The following OR11A1 variants were observed in gnomAD, a reference collection of about 807,000 sequenced individuals.
The protein encoded by OR11A1 is olfactory receptor family 11 subfamily A member 1.
For synonymous variants in OR11A1, 158 were observed against 152.2 expected, an observed-to-expected ratio of 1.04 and a Z score of -0.28; for missense variants, 380 against 378.2, an observed-to-expected ratio of 1.00 and a Z score of -0.04.
chr6:29,431,558 G>T (rs923971218), intron 2 of OR11A1, among the ~76,000 whole-genome samples: 1 of 152,094 alleles, frequency 6.6e-6, no homozygotes, highest in South Asian at 2.1e-4. Flanking sequence ...AGCTTGGGGA[G>T]CATGAATATC....
intron 1 of OR11A1, chr6:29,440,854 T>C: frequency 1.9e-6 from 3 of 1,613,828 alleles, no homozygotes; most frequent in South Asian, 2.2e-5. Context: ...TATGCTGTGG[T>C]CACCCCCATC....
At chr6:29,429,606 G>A (rs1419110663) in intron 3 of OR11A1, among the ~76,000 whole-genome samples, 1 of 152,166 alleles carries the variant, frequency 6.6e-6, no homozygotes, top group Non-Finnish European at 1.5e-5. Context: ...TGATTGCAGT[G>A]GAAAATGGAA....
At chr6:29,455,583 A>C (rs1316826104) in intron 1 of OR11A1, among the ~76,000 whole-genome samples, 1 of 152,200 alleles carries the variant, frequency 6.6e-6, no homozygotes, top group African/African-American at 2.4e-5. Flanking sequence ...TAGATATGTT[A>C]ATTGGCTTGA....
Position 29,428,939 on chromosome 6 carries a change from C to G in OR11A1, c.-118G>C, listed in dbSNP as rs1026393816. On this transcript the variant is annotated 5_prime_UTR_variant, in exon 4 of 5. The change abolishes the stop of an existing upstream ORF in the 5' untranslated region. Coordinates refer to ENST00000377149, the MANE Select transcript of OR11A1 (RefSeq NM_001394828.1). ...TGCTGGAAGGTTTTCATATGCTATT[C>G]AAAGCAATATGTGTTTATTAACTGA... The G allele has an allele frequency of 7.2e-6, 7 of 974,488 alleles. No homozygotes were observed. The highest frequency in any genetic ancestry group is 8.5e-6 in the Non-Finnish European group (7 of 820,780). The allele number at this position is 974,488 out of a possible 1,614,324, so 60.4% of individuals were successfully genotyped here.
intron 1 of OR11A1, among the ~76,000 whole-genome samples, chr6:29,435,056 G>A (rs1783524152): frequency 6.6e-6 from 1 of 152,248 alleles, no homozygotes; most frequent in Admixed American, 6.5e-5. Context: ...TAGAACTACA[G>A]TAAATTATTC....
At chr6:29,439,079 T>C (rs1374707995) in intron 1 of OR11A1, among the ~76,000 whole-genome samples, 6 of 152,226 alleles carry the variant, frequency 3.9e-5, no homozygotes, top group Admixed American at 6.5e-5. Context: ...GTTTATAGTT[T>C]TATGTTCAGT....
chr6:29,440,449 G>A, intron 1 of OR11A1: 2 of 1,614,032 alleles, frequency 1.2e-6, no homozygotes, highest in Non-Finnish European at 1.7e-6. Flanking sequence ...CAGCTAGCTG[G>A]GTCGGCGTGG....
chr6:29,444,213 C>T lies in OR11A1; in HGVS notation c.-388-12226G>A, dbSNP rs575478473. On this transcript the variant is annotated intron_variant, in intron 1 of 4. Transcript: ENST00000377149. The stretch of plus-strand genomic sequence containing the variant: ...AAATGGGAGCTGCCCTACACAAGCT[C>T]TCATTTTTCCTGCTACTATCCATGT... Among the ~76,000 whole-genome samples the T allele has an allele frequency of 2.6e-5, 4 of 152,242 alleles. No individual in the cohort carries two copies. The South Asian group carries it at 8.3e-4, about 32-fold the overall frequency.
Position 29,449,519 on chromosome 6 carries a change from G to A in OR11A1, c.-389+7468C>T, listed in dbSNP as rs113166632. On this transcript the variant is annotated intron_variant, in intron 1 of 4. Transcript: ENST00000377149. The stretch of plus-strand genomic sequence containing the variant: ...ATCAAAAATAAATTACTCAAGCTAC[G>A]TCTCACAAAAAAGTATCTTTCTTTC... 2.2e-3 allele frequency among the ~76,000 whole-genome samples: 336 copies of A among 152,178 alleles called. 1 individual carries two copies. Among genetic ancestry groups the A allele is most frequent in the Non-Finnish European group, 3.9e-3 (264 of 67,988 alleles).
chr6:29,430,546 G>T, intron 2 of OR11A1, 121 bp from the exon 3 acceptor site: 2 of 594,222 alleles, frequency 3.4e-6, no homozygotes, highest in Non-Finnish European at 4.2e-6. Flanking sequence ...ATTATTTTAA[G>T]TGAAATATCT....
chr6:29,433,478 A>G (rs965116022), intron 1 of OR11A1, among the ~76,000 whole-genome samples: 5 of 152,184 alleles, frequency 3.3e-5, no homozygotes, highest in Non-Finnish European at 7.4e-5. Context: ...AAGGTCCTCC[A>G]GATTCATCCA....
Position 29,426,769 on chromosome 6 carries a change from A to G in OR11A1, c.873T>C (p.Tyr291=). The change falls in exon 5 of 5, where the codon TAT becomes TAC. Residue 291 remains tyrosine, a synonymous_variant. Transcript: ENST00000377149. ...GATGCACCTCCTTGTTCCTCATGGT[A>G]TAGATCACAGGATTGAAGAGAGGGG... The part of the protein sequence containing the change: ...VVTPLFNPVI[Y]TMRNKEVHQA... The G allele has an allele frequency of 1.2e-6, 2 of 1,613,050 alleles. No homozygotes were observed. The highest frequency in any genetic ancestry group is 1.7e-6 in the Non-Finnish European group (2 of 1,179,984).
rs6923405 is a variant in OR11A1 at position 29,425,703 on chromosome 6, G to C, written c.*991C>G. On this transcript the variant is annotated 3_prime_UTR_variant, in exon 5 of 5. Coordinates refer to ENST00000377149, the MANE Select transcript of OR11A1 (RefSeq NM_001394828.1). ...TAGCAAAATGTTGATGTTGAAGCTG[G>C]ATGGTGGCTACATGGAGTACATGGG... is the stretch of plus-strand genomic sequence containing the variant. The C allele has an allele frequency of 0.019, 2,923 of 152,250 alleles. 60 individuals are homozygous for C. The highest frequency in any genetic ancestry group is 0.042 in the African/African-American group (1,758 of 41,540). The allele number at this position is 152,250 out of a possible 1,614,324, so 9.4% of individuals were successfully genotyped here. A position where few individuals can be genotyped will look rare whatever the true frequency, so the allele number is the denominator to read the frequency against.
At chr6:29,440,245 T>C in intron 1 of OR11A1, 1 of 1,613,942 alleles carries the variant, frequency 6.2e-7, no homozygotes, top group Non-Finnish European at 8.5e-7. Context: ...TCTGTCACGG[T>C]CCCCCTGCTA....
At position 29,428,353 on chromosome 6, in the gene OR11A1, G is replaced by A. The variant is rs566179041; in HGVS notation, c.-92+560C>T. 16 of 985,580 alleles carry A rather than the reference G, an allele frequency of 1.6e-5. No homozygotes were observed. In the South Asian group the frequency reaches 6.1e-4, roughly 38 times the overall value. The allele number at this position is 985,580 out of a possible 1,614,324, so 61.1% of individuals were successfully genotyped here. A position where few individuals can be genotyped will look rare whatever the true frequency, so the allele number is the denominator to read the frequency against. Reference sequence around the variant, plus strand: ...AGGAAGTAGGTGCCATGGGAGCAGAGAAGGACCAAACCCAGCCTGGGGTTG... The same window carrying A: ...AGGAAGTAGGTGCCATGGGAGCAGAAAAGGACCAAACCCAGCCTGGGGTTG... On this transcript the variant is annotated intron_variant, in intron 4 of 4. Coordinates refer to ENST00000377149, the MANE Select transcript of OR11A1 (RefSeq NM_001394828.1).
chr6:29,426,674 A>G lies in OR11A1; in HGVS notation c.*20T>C, dbSNP rs773629094. Reference sequence around the variant, plus strand: ...AGTGGAGGTGTCCGAAGTCCAAAATAACATCTTCATTACTCTCCTTCAATC... The same window carrying G: ...AGTGGAGGTGTCCGAAGTCCAAAATGACATCTTCATTACTCTCCTTCAATC... On this transcript the variant is annotated 3_prime_UTR_variant, in exon 5 of 5. Transcript: ENST00000377149. The G allele has an allele frequency of 6.3e-7, 1 of 1,581,934 alleles. No individual in the cohort carries two copies. The highest frequency in any genetic ancestry group is 1.3e-5 in the African/African-American group (1 of 74,364).
At chr6:29,456,161 C>T (rs1206089707) in intron 1 of OR11A1, among the ~76,000 whole-genome samples, 21 of 149,376 alleles carry the variant, frequency 1.4e-4, no homozygotes, top group African/African-American at 4.5e-4. Flanking sequence ...ACCTGGGAGG[C>T]GGAGGTTCCA....
intron 1 of OR11A1, chr6:29,440,513 C>T (rs1168377803): frequency 6.2e-7 from 1 of 1,613,750 alleles, no homozygotes; most frequent in Non-Finnish European, 8.5e-7. Context: ...TCTCTTTGCC[C>T]TTCTGCGGCC....
rs1782758775 is a variant in OR11A1 at position 29,425,837 on chromosome 6, T to A, written c.*857A>T. 1 of 152,212 alleles carries A rather than the reference T, an allele frequency of 6.6e-6. No individual in the cohort carries two copies. The highest frequency in any genetic ancestry group is 6.5e-5 in the Admixed American group (1 of 15,278). 9.4% of individuals were successfully genotyped at this position (152,212 alleles called of 1,614,324 possible). On this transcript the variant is annotated 3_prime_UTR_variant, in exon 5 of 5. Transcript: ENST00000377149. ...ATTTTTAAAAACACATATCCTTAGA[T>A]CTTGCAATTTAGGTGCTAAAAGTTT...
Sources: allele counts gnomAD v4.1 joint callset (sites outside exome capture counted in the v4.1 genomes callset), GRCh38; gene constraint gnomAD v4.1.1; transcripts MANE v1.5; gene names NCBI Gene and HGNC (gene_info 2026-07-23, HGNC 2026-07-21).